Variants in MS4A8 observed in about 807,000 individuals in gnomAD.
MS4A8 encodes the protein membrane-spanning 4-domains subfamily A member 8.
A neutral mutation model predicts 23.7 loss-of-function variants in MS4A8; 27 were observed. The observed-to-expected ratio is 1.14, with a 90% CI of 0.84 to 1.57. The LOEUF (loss-of-function observed/expected upper bound fraction) is 1.57. MS4A8 is among the 40% of genes most tolerant of loss of function. The pLI is 0.00. For synonymous variants in MS4A8, 138 were observed against 126.3 expected, an observed-to-expected ratio of 1.09 and a Z score of -0.62; for missense variants, 301 against 311.4, an observed-to-expected ratio of 0.97 and a Z score of 0.25.
chr11:60,711,203 G>A (rs754213036), intron 5 of MS4A8, among the ~76,000 whole-genome samples: 21 of 152,188 alleles, frequency 1.4e-4, no homozygotes, highest in Non-Finnish European at 2.1e-4. Context: ...TCTGGCACAC[G>A]GTTGACACTT....
chr11:60,709,057 A>G, intron 5 of MS4A8: 1 of 370,890 alleles, frequency 2.7e-6, no homozygotes, highest in Non-Finnish European at 5.1e-6. Context: ...GTGCCCACCA[A>G]CCAGCACCTC....
At position 60,708,729 on chromosome 11, in the gene MS4A8, G is replaced by A; in HGVS notation, c.482G>A (p.Ser161Asn). ...GTCATACTCTTCATCACAGATCTAA[G>A]TATTCCCCACCCATATGCCTACCCC... ...VGVILFITDL[S>N]IPHPYAYPDY... The change falls in exon 5 of 7, where the codon AGT becomes AAT. Residue 161 changes from serine to asparagine, a missense_variant. Coordinates refer to ENST00000300226, the MANE Select transcript of MS4A8 (RefSeq NM_031457.2). 1 of 1,613,074 alleles carries A rather than the reference G, an allele frequency of 6.2e-7. No individual in the cohort carries two copies. The highest frequency in any genetic ancestry group is 8.5e-7 in the Non-Finnish European group (1 of 1,179,684).
chr11:60,703,282 T>G, intron 2 of MS4A8, 96 bp from the exon 3 acceptor site: 1 of 1,354,436 alleles, frequency 7.4e-7, no homozygotes, highest in South Asian at 1.8e-5. Flanking sequence ...TTTTAGACCA[T>G]GAAAATAAAA....
chr11:60,709,176 T>A (rs2088281634), intron 5 of MS4A8: 2 of 232,112 alleles, frequency 8.6e-6, no homozygotes, highest in Non-Finnish European at 1.7e-5. Flanking sequence ...CTACAGTCTC[T>A]GTCATGTAGC....
Position 60,701,065 on chromosome 11 carries a change from G to A in MS4A8, c.205G>A (p.Gly69Ser). ...GQPVQKALKE[G>S]KTLGAIQIII... ...GCCTGTGCAGAAAGCTCTGAAAGAA[G>A]GCAAAACCTTGGGGGTAAGTGAGAT... The change falls in exon 2 of 7, where the codon GGC (glycine) becomes AGC (serine). Residue 69 changes from glycine to serine, a missense_variant. Gly to Ser is a moderately conservative substitution (Grantham distance 56, BLOSUM62 0). Transcript: ENST00000300226. 2 of 1,614,134 alleles carry A rather than the reference G, an allele frequency of 1.2e-6. No individual in the cohort carries two copies. Among genetic ancestry groups the A allele is most frequent in the Non-Finnish European group, 1.7e-6 (2 of 1,180,020 alleles).
At chr11:60,708,913 A>G (rs2088279840) in intron 5 of MS4A8, 132 bp downstream of exon 5, 2 of 1,130,544 alleles carry the variant, frequency 1.8e-6, no homozygotes, top group South Asian at 2.7e-5. Flanking sequence ...CAGCATAGGA[A>G]CAAATTTTAA....
rs756883611 is a variant in MS4A8 at position 60,703,452 on chromosome 11, CCTGT to C, written c.297_300del (p.Ser100PhefsTer41). 4.4e-6 allele frequency: 7 copies of C among 1,608,776 alleles called. No individual in the cohort carries two copies. The highest frequency in any genetic ancestry group is 5.9e-6 in the Non-Finnish European group (7 of 1,177,956). Reference sequence around the variant, plus strand: ...TGGCGACGGTTCTCGTAGGGGAATACCTGTCTATTTCATTCTACGGAGGCTTTCC... The same window carrying C: ...TGGCGACGGTTCTCGTAGGGGAATACCTATTTCATTCTACGGAGGCTTTCC... On this transcript the variant is annotated frameshift_variant, in exon 3 of 7. Transcript: ENST00000300226. LOFTEE classifies it high-confidence loss of function.
chr11:60,704,497 G>T (rs1257294241), intron 3 of MS4A8, among the ~76,000 whole-genome samples: 1 of 152,182 alleles, frequency 6.6e-6, no homozygotes, highest in Non-Finnish European at 1.5e-5. Flanking sequence ...CCCTGGCATT[G>T]TTGGACATAG....
intron 2 of MS4A8, chr11:60,701,409 C>G (rs1194737890): frequency 4.4e-6 from 2 of 454,996 alleles, no homozygotes; most frequent in Non-Finnish European, 8.5e-6. Flanking sequence ...CCAAAATAGA[C>G]CACAAGGTGG....
chr11:60,715,100 T>C lies in MS4A8; in HGVS notation c.614T>C (p.Phe205Ser), dbSNP rs750886877. 6.2e-7 allele frequency: 1 copy of C among 1,614,142 alleles called. No individual in the cohort carries two copies. Among genetic ancestry groups the C allele is most frequent in the East Asian group, 2.2e-5 (1 of 44,868 alleles). Residue 205 changes from phenylalanine to serine, a missense_variant, in exon 6 of 7, where the codon TTT (phenylalanine) becomes TCT (serine). Coordinates refer to ENST00000300226, the MANE Select transcript of MS4A8 (RefSeq NM_031457.2). Reference sequence around the variant, plus strand: ...GGCATCGCATGCGCATCTTCCCACTTTGGCTGCCAGTTGGTCTGCTGTCAA... The same window carrying C: ...GGCATCGCATGCGCATCTTCCCACTCTGGCTGCCAGTTGGTCTGCTGTCAA... ...EFGIACASSH[F>S]GCQLVCCQSS...
chr11:60,701,126 G>C, intron 2 of MS4A8, 47 bp downstream of exon 2: 2 of 1,552,742 alleles, frequency 1.3e-6, no homozygotes, highest in South Asian at 2.3e-5. Context: ...CAGCTGGAGT[G>C]ATGGCAGGGG....
intron 2 of MS4A8, 70 bp downstream of exon 2, chr11:60,701,149 T>C (rs2088200929): frequency 6.3e-6 from 9 of 1,427,200 alleles, no homozygotes; most frequent in Non-Finnish European, 8.8e-6. Flanking sequence ...AGGGAAGGCC[T>C]GGGAAATACA....
In MS4A8 at chr11:60,715,053, G is replaced by C; in HGVS notation, c.567G>C (p.Leu189=). 2 of 1,614,100 alleles carry C rather than the reference G, an allele frequency of 1.2e-6. No individual in the cohort carries two copies. Among genetic ancestry groups the C allele is most frequent in the Non-Finnish European group, 1.7e-6 (2 of 1,179,994 alleles). The part of the protein sequence containing the change: ...NPGMAISGVL[L]VFCLLEFGIA... ...GAATGGCGATTTCTGGCGTGCTGCTGGTCTTCTGCCTCCTGGAGTTTGGCA... is the reference window on the plus strand; with the variant it reads ...GAATGGCGATTTCTGGCGTGCTGCTCGTCTTCTGCCTCCTGGAGTTTGGCA... The change falls in exon 6 of 7, where the codon CTG becomes CTC. Residue 189 remains leucine (L), a synonymous_variant. Coordinates refer to ENST00000300226, the MANE Select transcript of MS4A8 (RefSeq NM_031457.2).
In MS4A8 at chr11:60,714,079, C is replaced by T. The variant is rs1319255140; in HGVS notation, c.535-942C>T. Among the ~76,000 whole-genome samples the T allele has an allele frequency of 1.0e-4, 15 of 148,198 alleles. 2 individuals are homozygous for T. Among genetic ancestry groups the T allele is most frequent in the Admixed American group, 4.6e-4 (7 of 15,132 alleles). On this transcript the variant is annotated intron_variant, in intron 5 of 6. Transcript: ENST00000300226. The stretch of plus-strand genomic sequence containing the variant: ...AGCTGGGACTACAGGCACCCGCCAC[C>T]GCGCCCGGCTAATTTTTTGTATTTT...
intron 4 of MS4A8, among the ~76,000 whole-genome samples, chr11:60,707,697 CAT>C (rs971262201): frequency 2.0e-5 from 3 of 152,214 alleles, no homozygotes; most frequent in Admixed American, 6.5e-5. Flanking sequence ...GGCCCAGAAT[CAT>C]GGAGCATCTG....
intron 3 of MS4A8, 74 bp from the exon 4 acceptor site, chr11:60,706,914 C>A: frequency 7.8e-7 from 1 of 1,289,094 alleles, no homozygotes; most frequent in South Asian, 1.2e-5. Context: ...CTGTGTGTGA[C>A]CAGAATCACA....
At chr11:60,708,961 C>A in intron 5 of MS4A8, 180 bp downstream of exon 5, 1 of 636,078 alleles carries the variant, frequency 1.6e-6, no homozygotes, top group Non-Finnish European at 2.6e-6. Flanking sequence ...TGACCTTTCC[C>A]AGTTTGGGTT....
intron 2 of MS4A8, 114 bp from the exon 3 acceptor site, chr11:60,703,264 A>G (rs1021504057): frequency 5.7e-6 from 7 of 1,222,112 alleles, no homozygotes; most frequent in Non-Finnish European, 7.6e-6. Context: ...TGTATTTCCC[A>G]TATTACTTTT....
intron 2 of MS4A8, chr11:60,701,528 G>A (rs940834633): frequency 3.5e-5 from 12 of 342,698 alleles, no homozygotes; most frequent in Non-Finnish European, 6.3e-5. Context: ...GCTGTCCTGC[G>A]CTGGACAAAG....
Sources: allele counts gnomAD v4.1 joint callset (sites outside exome capture counted in the v4.1 genomes callset), GRCh38; gene constraint gnomAD v4.1.1; transcripts MANE v1.5; gene names NCBI Gene and HGNC (gene_info 2026-07-23, HGNC 2026-07-21).